DRC9: variants seen among roughly 807,000 people sequenced by gnomAD.
DRC9 encodes the protein dynein regulatory complex protein 9.
the DRC9 span, chr3:197,912,465 A>C: frequency 2.0e-6 from 1 of 495,214 alleles, no homozygotes; most frequent in South Asian, 3.1e-5. Flanking sequence ...CAATGATAAA[A>C]GCAGAAAACA....
the DRC9 span, chr3:197,949,842 C>CAA: frequency 2.6e-6 from 1 of 387,486 alleles, no homozygotes; most frequent in South Asian, 1.4e-4. Flanking sequence ...ATCTTACAGT[C>CAA]AATCATTCTT....
the DRC9 span, chr3:197,950,759 G>A: frequency 9.6e-6 from 6 of 623,420 alleles, no homozygotes; most frequent in Non-Finnish European, 1.7e-5. Context: ...TGTTCTCTGA[G>A]GTTTGAATGT....
At chr3:197,945,489 A>T in the DRC9 span, 10 of 645,024 alleles carry the variant, frequency 1.6e-5, no homozygotes, top group African/African-American at 1.9e-4. Flanking sequence ...GAAAGAATAA[A>T]TGTTTATATT....
chr3:197,932,912 A>G, the DRC9 span, among the ~76,000 whole-genome samples: 10 of 140,196 alleles, frequency 7.1e-5, no homozygotes, highest in African/African-American at 2.6e-4. Flanking sequence ...TATATGTATT[A>G]TATGCATATT....
the DRC9 span, among the ~76,000 whole-genome samples, chr3:197,891,794 GAATT>G: frequency 6.6e-6 from 1 of 152,148 alleles, no homozygotes; most frequent in Non-Finnish European, 1.5e-5. Flanking sequence ...AATGAAATAT[GAATT>G]AATGTGTGAT....
At chr3:197,949,230 G>C in the DRC9 span, 1 of 152,118 alleles carries the variant, frequency 6.6e-6, no homozygotes, top group East Asian at 1.9e-4. Flanking sequence ...CACAAACCTT[G>C]GTACAGGGTA....
the DRC9 span, among the ~76,000 whole-genome samples, chr3:197,947,995 G>A: frequency 6.9e-6 from 1 of 144,568 alleles, no homozygotes; most frequent in Non-Finnish European, 1.5e-5. Flanking sequence ...TGCAGTGGCA[G>A]GATCTCAGCT....
the DRC9 span, among the ~76,000 whole-genome samples, chr3:197,893,902 A>G: frequency 6.6e-6 from 1 of 152,216 alleles, no homozygotes; most frequent in Non-Finnish European, 1.5e-5. Flanking sequence ...GATTCTACAC[A>G]TAGCCAACCC....
chr3:197,953,362 C>T, the DRC9 span: 1 of 444,988 alleles, frequency 2.2e-6, no homozygotes, highest in African/African-American at 2.0e-5. Flanking sequence ...GGTGACAAGA[C>T]AACCCCGTGG....
chr3:197,913,146 T>TAAAC, the DRC9 span: 2 of 173,462 alleles, frequency 1.2e-5, no homozygotes, highest in Non-Finnish European at 2.5e-5. Flanking sequence ...CAAGGACGTT[T>TAAAC]GTTCCTGCTT....
the DRC9 span, chr3:197,932,176 G>A: frequency 6.2e-7 from 1 of 1,611,458 alleles, no homozygotes; most frequent in Non-Finnish European, 8.5e-7. Context: ...ACTCTGACCT[G>A]GCAATGATGT....
chr3:197,914,075 A>C, the DRC9 span: 3 of 1,578,062 alleles, frequency 1.9e-6, no homozygotes, highest in Admixed American at 3.3e-5. Flanking sequence ...CTAAATTGAA[A>C]ATACATTCTA....
At chr3:197,930,083 G>A in the DRC9 span, among the ~76,000 whole-genome samples, 3 of 152,110 alleles carry the variant, frequency 2.0e-5, no homozygotes, top group Non-Finnish European at 2.9e-5. Context: ...GGCCAGGCAC[G>A]GTGGTTCAAA....
At chr3:197,932,303 C>G in the DRC9 span, 15 of 1,608,598 alleles carry the variant, frequency 9.3e-6, no homozygotes, top group Admixed American at 1.5e-4. Context: ...GAAAAACTGC[C>G]TGTAAGGAGA....
At chr3:197,928,341 CTTTT>C in the DRC9 span, among the ~76,000 whole-genome samples, 2 of 130,630 alleles carry the variant, frequency 1.5e-5, no homozygotes, top group South Asian at 2.4e-4. Flanking sequence ...TCTGTTCCCT[CTTTT>C]TTTTTTTTTT....
At chr3:197,960,062 C>A in the DRC9 span, 4 of 628,404 alleles carry the variant, frequency 6.4e-6, no homozygotes, top group African/African-American at 7.4e-5. Context: ...CTTCGCGCCA[C>A]GAGACGCGAT....
At chr3:197,916,712 A>T in the DRC9 span, among the ~76,000 whole-genome samples, 1 of 152,102 alleles carries the variant, frequency 6.6e-6, no homozygotes, top group Non-Finnish European at 1.5e-5. Flanking sequence ...CCAAGTACCT[A>T]GGGAATTAAT....
At chr3:197,955,908 G>T in the DRC9 span, 6 of 759,788 alleles carry the variant, frequency 7.9e-6, no homozygotes, top group Non-Finnish European at 1.4e-5. Flanking sequence ...GGAGTACAAG[G>T]GGGTCAGAGA....
the DRC9 span, among the ~76,000 whole-genome samples, chr3:197,924,113 T>C: frequency 6.6e-6 from 1 of 151,838 alleles, no homozygotes; most frequent in Admixed American, 6.6e-5. Context: ...CTCAACATTT[T>C]GGGAGGACGA....
Sources: gnomAD v4.1 joint callset for allele counts (sites outside exome capture counted in the v4.1 genomes callset) on GRCh38, gnomAD v4.1.1 for gene constraint, MANE v1.5 for transcripts, NCBI Gene and HGNC (gene_info 2026-07-23, HGNC 2026-07-21) for gene names.